The following IL1RAPL1 variants were observed in gnomAD, a reference collection of about 807,000 sequenced individuals.
IL1RAPL1 encodes interleukin 1 receptor accessory protein like 1.
In IL1RAPL1, 3 loss-of-function variants were observed where a neutral mutation model predicts 48.4. The observed-to-expected ratio is 0.06, with a 90% CI of 0.03 to 0.16. The LOEUF is 0.16. IL1RAPL1 is among the 10% of genes least tolerant of loss of function. The pLI is 1.00. For missense variants in IL1RAPL1, 349 were observed against 530.6 expected (o/e 0.66, Z 3.36); for synonymous variants, 185 against 187.7 (o/e 0.99, Z 0.12).
intron 6 of IL1RAPL1, among the ~76,000 whole-genome samples, chrX:29,873,546 G>A (rs1192234382): frequency 8.9e-6 from 1 of 111,810 alleles, no homozygotes; most frequent in Non-Finnish European, 1.9e-5. Context: ...TGATGACACA[G>A]CAAAAAGTGT....
chrX:29,374,653 T>C (rs1455987540), intron 3 of IL1RAPL1, among the ~76,000 whole-genome samples: 1 of 109,502 alleles, frequency 9.1e-6, no homozygotes, highest in African/African-American at 3.3e-5. Context: ...GGTGGGTCAC[T>C]GAGGGTCTGA....
At chrX:29,088,600 C>T (rs141191188) in intron 2 of IL1RAPL1, among the ~76,000 whole-genome samples, 202 of 101,602 alleles carry the variant, frequency 2.0e-3, no homozygotes, top group African/African-American at 7.1e-3. Flanking sequence ...TGCTTGAACC[C>T]AGGAGGCGGA....
chrX:29,473,688 A>G (rs1403630733), intron 5 of IL1RAPL1, among the ~76,000 whole-genome samples: 1 of 105,423 alleles, frequency 9.5e-6, no homozygotes, highest in Non-Finnish European at 1.9e-5. Flanking sequence ...TTAGTGAGGA[A>G]TTCTCTCATC....
intron 5 of IL1RAPL1, among the ~76,000 whole-genome samples, chrX:29,448,329 C>A (rs1417271016): frequency 9.0e-6 from 1 of 111,490 alleles, no homozygotes. Context: ...AAATTATTCC[C>A]AAGTACGAAA....
At chrX:28,704,421 AACACACACACACACAC>A (rs71703533) in intron 1 of IL1RAPL1, among the ~76,000 whole-genome samples, 2 of 89,525 alleles carry the variant, frequency 2.2e-5, no homozygotes, top group Admixed American at 1.3e-4. Flanking sequence ...AAAACACACA[AACACACACACACACAC>A]ACACACACAC....
intron 3 of IL1RAPL1, among the ~76,000 whole-genome samples, chrX:29,330,733 T>C (rs762925469): frequency 2.7e-5 from 3 of 111,476 alleles, no homozygotes; most frequent in Non-Finnish European, 5.6e-5. Context: ...GAGGTTCTTA[T>C]ACTCCCATAG....
chrX:29,139,073 G>T (rs1929193064), intron 2 of IL1RAPL1, among the ~76,000 whole-genome samples: 1 of 111,666 alleles, frequency 9.0e-6, no homozygotes, highest in Non-Finnish European at 1.9e-5. Flanking sequence ...GAACCTGGTT[G>T]CCCATCTCTT....
intron 2 of IL1RAPL1, among the ~76,000 whole-genome samples, chrX:28,927,258 A>G (rs1462456394): frequency 9.0e-6 from 1 of 111,453 alleles, no homozygotes; most frequent in Non-Finnish European, 1.9e-5. Flanking sequence ...CTGTTCTCAT[A>G]TCATGTCCAG....
Position 28,753,378 on chromosome X carries a change from C to T in IL1RAPL1, c.-24-35942C>T, listed in dbSNP as rs560572132. ...TATGGGAAAATATCATCATACTGCA[C>T]GTACTTGTGTGGGACTCTGTCAGTG... On this transcript the variant is annotated intron_variant, in intron 1 of 10. Coordinates refer to ENST00000378993, the MANE Select transcript of IL1RAPL1 (RefSeq NM_014271.4). Among the ~76,000 whole-genome samples the T allele has an allele frequency of 6.2e-5, 7 of 112,079 alleles. No homozygotes were observed. The South Asian group carries it at 2.2e-3, about 35-fold the overall frequency.
chrX:28,989,146 A>G (rs1361547444), intron 2 of IL1RAPL1, among the ~76,000 whole-genome samples: 5 of 112,338 alleles, frequency 4.5e-5, no homozygotes, highest in Non-Finnish European at 7.5e-5. Flanking sequence ...ACTGACTTCA[A>G]TAGCTGAAAG....
chrX:29,279,414 C>T (rs996889094), intron 2 of IL1RAPL1, among the ~76,000 whole-genome samples: 9 of 106,878 alleles, frequency 8.4e-5, no homozygotes, highest in Admixed American at 2.0e-4. Flanking sequence ...CCAGCCTGGG[C>T]GACAGAGCAA....
At chrX:29,044,524 G>GT (rs141083434) in intron 2 of IL1RAPL1, among the ~76,000 whole-genome samples, 9 of 110,370 alleles carry the variant, frequency 8.2e-5, no homozygotes, top group Admixed American at 1.9e-4. Context: ...TCATTGCTCT[G>GT]TTTTTTTTAA....
intron 2 of IL1RAPL1, among the ~76,000 whole-genome samples, chrX:29,221,313 C>A (rs1034681765): frequency 1.1e-4 from 12 of 111,545 alleles, no homozygotes; most frequent in African/African-American, 3.9e-4. Context: ...TGCTTACCTG[C>A]AATTTTATGA....
intron 1 of IL1RAPL1, among the ~76,000 whole-genome samples, chrX:28,716,590 G>T (rs776415129): frequency 2.0e-4 from 22 of 111,213 alleles, no homozygotes; most frequent in Non-Finnish European, 2.6e-4. Flanking sequence ...GACAACCTAG[G>T]CAATACTATT....
At chrX:28,591,921 T>C (rs1034011884) in intron 1 of IL1RAPL1, among the ~76,000 whole-genome samples, 1 of 111,992 alleles carries the variant, frequency 8.9e-6, no homozygotes, top group Non-Finnish European at 1.9e-5. Context: ...CACCATCCTA[T>C]GCCTTAGAAA....
chrX:29,857,232 G>A (rs1490278053), intron 6 of IL1RAPL1, among the ~76,000 whole-genome samples: 1 of 110,802 alleles, frequency 9.0e-6, no homozygotes. Context: ...AGTTTAAAAC[G>A]TACTGAGAAC....
intron 3 of IL1RAPL1, among the ~76,000 whole-genome samples, chrX:29,365,765 G>A (rs775110601): frequency 2.2e-4 from 23 of 105,782 alleles, no homozygotes; most frequent in African/African-American, 4.5e-4. Context: ...ATGGTCCGGC[G>A]CAGTTTCTCA....
intron 5 of IL1RAPL1, among the ~76,000 whole-genome samples, chrX:29,591,283 TA>T (rs1923362030): frequency 8.9e-6 from 1 of 112,187 alleles, no homozygotes; most frequent in South Asian, 3.7e-4. Flanking sequence ...ACTTGTGGGG[TA>T]GGCATTGTGA....
chrX:29,925,412 GTTTTTTTTTTT>G (rs763481708), intron 8 of IL1RAPL1, among the ~76,000 whole-genome samples: 16 of 11,466 alleles, frequency 1.4e-3, no homozygotes, highest in African/African-American at 3.8e-3. Context: ...TCCCGTAACT[GTTTTTTTTTTT>G]TTTTTTTTTT....
Sources: allele counts gnomAD v4.1 joint callset (sites outside exome capture counted in the v4.1 genomes callset), GRCh38; gene constraint gnomAD v4.1.1; transcripts MANE v1.5; gene names NCBI Gene and HGNC (gene_info 2026-07-23, HGNC 2026-07-21).